SLC4A4: variants seen among roughly 807,000 people sequenced by gnomAD.
The protein encoded by SLC4A4 is solute carrier family 4 member 4, also known as electrogenic sodium bicarbonate cotransporter 1.
Under a neutral mutation model 111.5 loss-of-function variants are expected in SLC4A4, and 27 were observed. That is an observed-to-expected ratio of 0.24 (90% confidence interval 0.18 to 0.33). The LOEUF is 0.33. Ranked by LOEUF, SLC4A4 falls within the 10% of genes least tolerant of loss-of-function variation. SLC4A4 has a pLI of 1.00. For synonymous variants in SLC4A4, 443 were observed against 463.4 expected (o/e 0.96, Z 0.57); for missense variants, 909 against 1,315.5 (o/e 0.69, Z 4.78).
intron 2 of SLC4A4, among the ~76,000 whole-genome samples, chr4:71,154,362 G>A (rs1016271841): frequency 5.3e-5 from 8 of 152,180 alleles, no homozygotes; most frequent in South Asian, 4.1e-4. Flanking sequence ...GAGTGTGGAC[G>A]CTTTCATTGG....
intron 16 of SLC4A4, among the ~76,000 whole-genome samples, chr4:71,509,931 G>C (rs1337067647): frequency 6.6e-6 from 1 of 152,162 alleles, no homozygotes. Flanking sequence ...AGAAGCAGTG[G>C]CTTCTGGGTC....
At chr4:71,235,458 C>T (rs1719737147) in intron 1 of SLC4A4, among the ~76,000 whole-genome samples, 1 of 152,196 alleles carries the variant, frequency 6.6e-6, no homozygotes, top group African/African-American at 2.4e-5. Context: ...ACATTTGGTT[C>T]TCTGGCAGGG....
intron 1 of SLC4A4, among the ~76,000 whole-genome samples, chr4:71,213,815 G>A (rs1578606323): frequency 6.6e-6 from 1 of 152,236 alleles, no homozygotes; most frequent in African/African-American, 2.4e-5. Flanking sequence ...GGAGGACATG[G>A]TAAGAAGGTG....
intron 16 of SLC4A4, among the ~76,000 whole-genome samples, chr4:71,518,307 A>ATCCAGTGG: frequency 6.6e-6 from 1 of 152,072 alleles, no homozygotes; most frequent in Non-Finnish European, 1.5e-5. Flanking sequence ...GGGTCTGCTG[A>ATCCAGTGG]AGTGGGCCTG....
chr4:71,434,341 A>G (rs1446368762), intron 7 of SLC4A4: 1 of 155,304 alleles, frequency 6.4e-6, no homozygotes, highest in Admixed American at 6.5e-5. Flanking sequence ...CAATTTTTAA[A>G]ATAAAATGAT....
intron 16 of SLC4A4, among the ~76,000 whole-genome samples, chr4:71,512,129 G>A (rs1731985980): frequency 6.6e-6 from 1 of 152,036 alleles, no homozygotes; most frequent in African/African-American, 2.4e-5. Flanking sequence ...TTTCCTTCGG[G>A]TAGATTCCCA....
chr4:71,164,061 C>T (rs993571973), intron 2 of SLC4A4, among the ~76,000 whole-genome samples: 1 of 152,002 alleles, frequency 6.6e-6, no homozygotes, highest in East Asian at 1.9e-4. Flanking sequence ...GCCTGGCCAA[C>T]ATGGCAAAAC....
At chr4:71,248,861 G>GT (rs2149052569) in intron 2 of SLC4A4, among the ~76,000 whole-genome samples, 1 of 152,230 alleles carries the variant, frequency 6.6e-6, no homozygotes, top group East Asian at 1.9e-4. Context: ...TAATAGAACT[G>GT]TTTTATTAAA....
intron 1 of SLC4A4, chr4:71,236,012 A>G (rs1719773035): frequency 1.0e-6 from 1 of 987,718 alleles, no homozygotes; most frequent in Non-Finnish European, 1.2e-6. Context: ...TCAACAGAGA[A>G]TACTGGGCTG....
Position 71,064,251 on chromosome 4 carries a change from A to G in SLC4A4, c.-65+1463A>G, listed in dbSNP as rs750453841. Among the ~76,000 whole-genome samples, 7 of 152,322 alleles carry G rather than the reference A, an allele frequency of 4.6e-5. No homozygotes were observed. The South Asian group carries it at 1.4e-3, about 32-fold the overall frequency. Reference sequence around the variant, plus strand: ...CAGCTTTTCTGAACCTCAATTCTTCATCAGGGACAATTTTTAGTAACTTGC... The same window carrying G: ...CAGCTTTTCTGAACCTCAATTCTTCGTCAGGGACAATTTTTAGTAACTTGC... On this transcript the variant is annotated intron_variant, in intron 1 of 26. Coordinates refer to the SLC4A4 transcript ENST00000649996.
intron 16 of SLC4A4, among the ~76,000 whole-genome samples, chr4:71,498,313 G>A (rs1730600924): frequency 6.6e-6 from 1 of 152,166 alleles, no homozygotes; most frequent in Non-Finnish European, 1.5e-5. Context: ...GGTTCATGGA[G>A]ATGCTATAAG....
chr4:71,137,832 G>C (rs924918476), intron 2 of SLC4A4, among the ~76,000 whole-genome samples: 1 of 152,154 alleles, frequency 6.6e-6, no homozygotes, highest in Non-Finnish European at 1.5e-5. Flanking sequence ...TTGCTCACAA[G>C]TATAAAGACA....
At chr4:71,164,021 G>A (rs1198053319) in intron 2 of SLC4A4, among the ~76,000 whole-genome samples, 12 of 150,378 alleles carry the variant, frequency 8.0e-5, no homozygotes, top group South Asian at 2.1e-4. Context: ...CAAGGTGGGC[G>A]GATCACCTGA....
chr4:71,087,158 A>G (rs1742202993), intron 1 of SLC4A4, among the ~76,000 whole-genome samples: 1 of 151,986 alleles, frequency 6.6e-6, no homozygotes, highest in Admixed American at 6.6e-5. Context: ...CGAGGAATGT[A>G]TCCATTTCTT....
chr4:71,332,620 A>G (rs1377316790), intron 3 of SLC4A4, among the ~76,000 whole-genome samples: 1 of 151,324 alleles, frequency 6.6e-6, no homozygotes, highest in Non-Finnish European at 1.5e-5. Flanking sequence ...AATTTTTTGT[A>G]TTTTTAGTAG....
chr4:71,548,563 G>A (rs1169353438), intron 20 of SLC4A4, among the ~76,000 whole-genome samples: 1 of 151,638 alleles, frequency 6.6e-6, no homozygotes, highest in Non-Finnish European at 1.5e-5. Flanking sequence ...TGTATCTTAT[G>A]CTTTATACTA....
At chr4:71,410,239 T>A (rs1338650689) in intron 7 of SLC4A4, among the ~76,000 whole-genome samples, 1 of 152,110 alleles carries the variant, frequency 6.6e-6, no homozygotes, top group Non-Finnish European at 1.5e-5. Flanking sequence ...GAATGGTAGA[T>A]CCACTCACAG....
chr4:71,421,522 A>G (rs1306595992), intron 7 of SLC4A4, among the ~76,000 whole-genome samples: 1 of 152,180 alleles, frequency 6.6e-6, no homozygotes, highest in Non-Finnish European at 1.5e-5. Context: ...CCCCAAATCA[A>G]CAGAATATAC....
chr4:71,175,271 C>A (rs1745054950), intron 2 of SLC4A4, among the ~76,000 whole-genome samples: 1 of 152,216 alleles, frequency 6.6e-6, no homozygotes, highest in African/African-American at 2.4e-5. Context: ...ATGAGTGACG[C>A]AGAAGACGGG....
Sources: gnomAD v4.1 joint callset for allele counts (sites outside exome capture counted in the v4.1 genomes callset) on GRCh38, gnomAD v4.1.1 for gene constraint, MANE v1.5 for transcripts, NCBI Gene and HGNC (gene_info 2026-07-23, HGNC 2026-07-21) for gene names.